Variants in CENPP observed in about 807,000 individuals in gnomAD.
CENPP encodes the protein centromere protein P.
Under a neutral mutation model 35.6 loss-of-function variants are expected in CENPP, and 24 were observed. The observed-to-expected ratio is 0.67, with a 90% CI of 0.49 to 0.95. The LOEUF is 0.95. Ranked by LOEUF, CENPP falls within the 40% of genes least tolerant of loss-of-function variation. The pLI, the probability that CENPP is intolerant of heterozygous loss-of-function variation, is 0.00. For synonymous variants in CENPP, 120 were observed against 125.5 expected (o/e 0.96, Z 0.29); for missense variants, 332 against 345.3 (o/e 0.96, Z 0.31).
At chr9:92,404,074 A>G (rs1222622527) in intron 5 of CENPP, among the ~76,000 whole-genome samples, 1 of 152,206 alleles carries the variant, frequency 6.6e-6, no homozygotes, top group East Asian at 1.9e-4. Flanking sequence ...CTGAAAGAAT[A>G]GTATTGCAGG....
Position 92,517,702 on chromosome 9 carries a change from C to G in CENPP, c.565-93612C>G, listed in dbSNP as rs1299948905. ...ATCTCTGTACCAGTAGCGGAGCAGA[C>G]CGGGCAGCATTCCCCTTCAGGTATA... On this transcript the variant is annotated intron_variant, in intron 5 of 7. Coordinates refer to ENST00000375587, the MANE Select transcript of CENPP (RefSeq NM_001012267.3). The G allele has an allele frequency of 3.7e-6, 6 of 1,614,038 alleles. No individual in the cohort carries two copies. Among genetic ancestry groups the G allele is most frequent in the Non-Finnish European group, 5.1e-6 (6 of 1,180,036 alleles).
intron 4 of CENPP, among the ~76,000 whole-genome samples, chr9:92,352,505 G>GTGTGTGTATA: frequency 4.0e-5 from 2 of 49,792 alleles, no homozygotes; most frequent in African/African-American, 3.6e-4. Context: ...GTGTGTGTGT[G>GTGTGTGTATA]TATACATATA....
chr9:92,394,958 A>G (rs1842835548), intron 5 of CENPP, among the ~76,000 whole-genome samples: 1 of 152,182 alleles, frequency 6.6e-6, no homozygotes, highest in Non-Finnish European at 1.5e-5. Context: ...ATTGTGTCCC[A>G]TAAGTCATAA....
At chr9:92,579,832 T>C (rs372386174) in intron 5 of CENPP, among the ~76,000 whole-genome samples, 35,118 of 120,894 alleles carry the variant, frequency 0.29, 6,780 homozygotes, top group African/African-American at 0.57. Context: ...GAACTTCCAA[T>C]ACTATGTTGA....
chr9:92,393,274 G>T, intron 5 of CENPP: 2 of 1,544,112 alleles, frequency 1.3e-6, no homozygotes, highest in South Asian at 1.2e-5. Flanking sequence ...ATAAAAATAT[G>T]AACAATCGTT....
intron 5 of CENPP, among the ~76,000 whole-genome samples, chr9:92,480,447 C>G (rs1420939203): frequency 1.3e-5 from 2 of 152,170 alleles, no homozygotes; most frequent in Non-Finnish European, 2.9e-5. Context: ...GCATGTCCTC[C>G]TAAATGGATT....
At chr9:92,493,970 G>A (rs998308216) in intron 5 of CENPP, 15 of 954,128 alleles carry the variant, frequency 1.6e-5, no homozygotes, top group Admixed American at 1.1e-4. Context: ...GAGGGTGGCC[G>A]TAGTCTCCTG....
Position 92,616,133 on chromosome 9 carries a change from C to T in CENPP, c.*2984C>T, listed in dbSNP as rs1025233531. The T allele has an allele frequency of 4.3e-6, 4 of 922,594 alleles. No individual in the cohort carries two copies. Among genetic ancestry groups the T allele is most frequent in the Admixed American group, 2.5e-5 (1 of 39,380 alleles). 57.2% of individuals were successfully genotyped at this position (922,594 alleles called of 1,614,324 possible). A position where few individuals can be genotyped will look rare whatever the true frequency, so the allele number is the denominator to read the frequency against. On this transcript the variant is annotated 3_prime_UTR_variant, in exon 8 of 8. Coordinates refer to ENST00000375587, the MANE Select transcript of CENPP (RefSeq NM_001012267.3). ...CCTCCCTCCCGTTCTCTCTCCCTTT[C>T]TTCTTTCAACTAGTATGTTTTTATG...
At chr9:92,612,160 A>G (rs1851277937) in intron 6 of CENPP, among the ~76,000 whole-genome samples, 1 of 152,244 alleles carries the variant, frequency 6.6e-6, no homozygotes, top group African/African-American at 2.4e-5. Context: ...CTGCCTAGAA[A>G]TGAAATTCCT....
chr9:92,413,672 G>T (rs1460146587), intron 5 of CENPP, among the ~76,000 whole-genome samples: 1 of 151,892 alleles, frequency 6.6e-6, no homozygotes, highest in Non-Finnish European at 1.5e-5. Context: ...CCATATTGTG[G>T]CATCATAGTT....
At chr9:92,325,599 G>A (rs892268216), upstream of CENPP, 3 of 193,104 alleles carry the variant, frequency 1.6e-5, no homozygotes, top group African/African-American at 7.1e-5. Context: ...CGTAAGAGAG[G>A]AAGTAGGTGA....
intron 5 of CENPP, among the ~76,000 whole-genome samples, chr9:92,421,598 T>C (rs1843795900): frequency 6.6e-6 from 1 of 152,254 alleles, no homozygotes; most frequent in Non-Finnish European, 1.5e-5. Flanking sequence ...TGTACTCTAC[T>C]ACTTTACTGT....
At chr9:92,490,513 A>T (rs1846150831) in intron 5 of CENPP, among the ~76,000 whole-genome samples, 1 of 152,252 alleles carries the variant, frequency 6.6e-6, no homozygotes. Context: ...TTCTGCCATG[A>T]GGACATTTTC....
At chr9:92,569,369 T>G (rs1025306086) in intron 5 of CENPP, among the ~76,000 whole-genome samples, 14 of 152,316 alleles carry the variant, frequency 9.2e-5, no homozygotes, top group African/African-American at 3.4e-4. Context: ...TTTGTCAGGT[T>G]TGTCAAAGAT....
intron 4 of CENPP, among the ~76,000 whole-genome samples, chr9:92,363,155 C>T (rs1161678928): frequency 6.6e-6 from 1 of 152,076 alleles, no homozygotes; most frequent in African/African-American, 2.4e-5. Flanking sequence ...GACACTAGGT[C>T]TGTTCATTGC....
chr9:92,484,043 A>T (rs1276948058), intron 5 of CENPP, among the ~76,000 whole-genome samples: 1 of 152,192 alleles, frequency 6.6e-6, no homozygotes, highest in Non-Finnish European at 1.5e-5. Flanking sequence ...CTGGATTTTT[A>T]AAATCTTTGT....
chr9:92,355,495 T>C (rs938619235), intron 4 of CENPP, among the ~76,000 whole-genome samples: 1 of 152,110 alleles, frequency 6.6e-6, no homozygotes, highest in African/African-American at 2.4e-5. Flanking sequence ...AATAATGACA[T>C]GGAAGGTTTC....
At chr9:92,412,975 C>CTTTTTTT (rs35323105) in intron 5 of CENPP, among the ~76,000 whole-genome samples, 15 of 45,262 alleles carry the variant, frequency 3.3e-4, no homozygotes, top group African/African-American at 7.1e-4. Context: ...TGTAACTAAG[C>CTTTTTTT]TTTTTTTTTT....
At chr9:92,493,805 C>T (rs758743130) in intron 5 of CENPP, 7 of 234,246 alleles carry the variant, frequency 3.0e-5, no homozygotes, top group African/African-American at 6.8e-5. Context: ...GTACAACTTC[C>T]ACTTAAGAAA....
Sources: allele counts gnomAD v4.1 joint callset (sites outside exome capture counted in the v4.1 genomes callset), GRCh38; gene constraint gnomAD v4.1.1; transcripts MANE v1.5; gene names NCBI Gene and HGNC (gene_info 2026-07-23, HGNC 2026-07-21).